The following PEX14 variants were observed in gnomAD, a reference collection of about 807,000 sequenced individuals.
PEX14 encodes peroxisomal membrane protein PEX14.
Under a neutral mutation model 49.5 loss-of-function variants are expected in PEX14, and 15 were observed. That is an observed-to-expected ratio of 0.30 (90% CI 0.20 to 0.47). PEX14 has a LOEUF of 0.47. Ranked by LOEUF, PEX14 falls within the 20% of genes least tolerant of loss-of-function variation. PEX14 has a pLI of 1.00. For synonymous variants in PEX14, 210 were observed against 212.7 expected (o/e 0.99, Z 0.11); for missense variants, 398 against 494.8 (o/e 0.80, Z 1.86).
intron 3 of PEX14, among the ~76,000 whole-genome samples, chr1:10,598,692 C>A (rs994425393): frequency 6.6e-6 from 1 of 152,206 alleles, no homozygotes; most frequent in African/African-American, 2.4e-5. Flanking sequence ...TTCTTCTTTA[C>A]ATTCTATATC....
chr1:10,620,178 C>T (rs1471866129), intron 5 of PEX14, among the ~76,000 whole-genome samples: 3 of 151,814 alleles, frequency 2.0e-5, no homozygotes, highest in Non-Finnish European at 2.9e-5. Context: ...GCCCAGGTGC[C>T]GTGGCTCACA....
At chr1:10,510,009 C>T (rs770881330) in intron 2 of PEX14, among the ~76,000 whole-genome samples, 7 of 152,142 alleles carry the variant, frequency 4.6e-5, no homozygotes, top group East Asian at 1.9e-4. Flanking sequence ...CACTGACCCA[C>T]CAATTATAGA....
At chr1:10,538,746 G>C (rs929644381) in intron 3 of PEX14, among the ~76,000 whole-genome samples, 1 of 152,242 alleles carries the variant, frequency 6.6e-6, no homozygotes, top group Non-Finnish European at 1.5e-5. Context: ...AGTTGTGGCA[G>C]GAAAGCAAAT....
intron 2 of PEX14, among the ~76,000 whole-genome samples, chr1:10,511,412 A>G (rs570170881): frequency 1.3e-5 from 2 of 152,164 alleles, no homozygotes; most frequent in East Asian, 3.9e-4. Flanking sequence ...TGCTAACATC[A>G]TGGTGCGTTC....
rs1638584296 is a variant in PEX14, at chr1:10,529,511, A to G, written c.85-6702A>G. 1.3e-5 allele frequency among the ~76,000 whole-genome samples: 2 copies of G among 152,262 alleles called. No homozygotes were observed. Among genetic ancestry groups the G allele is most frequent in the South Asian group, 2.1e-4 (1 of 4,836 alleles). Reference sequence around the variant, plus strand: ...ATTTCTGGAAGAACTACTTTAATCAAATAACAAAACAATGACATTCTGGCA... The same window carrying G: ...ATTTCTGGAAGAACTACTTTAATCAGATAACAAAACAATGACATTCTGGCA... On this transcript the variant is annotated intron_variant, in intron 2 of 8. Coordinates refer to ENST00000356607, the MANE Select transcript of PEX14 (RefSeq NM_004565.3). This position sits in a 1 kb window ranked among gnomAD's most constrained non-coding sequence, Gnocchi z 4.2.
intron 8 of PEX14, among the ~76,000 whole-genome samples, chr1:10,627,955 A>G (rs1046208322): frequency 6.6e-6 from 1 of 151,480 alleles, no homozygotes; most frequent in African/African-American, 2.4e-5. Context: ...TTTTTTTTTG[A>G]GATGGAGTCT....
chr1:10,504,573 T>A (rs1178379801), intron 2 of PEX14, among the ~76,000 whole-genome samples: 1 of 152,090 alleles, frequency 6.6e-6, no homozygotes, highest in Non-Finnish European at 1.5e-5. Context: ...TACCCAGCTG[T>A]GTCTGCCAAG....
In PEX14 at chr1:10,512,223, G is replaced by A. The variant is rs552842575; in HGVS notation, c.84+16902G>A. On this transcript the variant is annotated intron_variant, in intron 2 of 8. Transcript: ENST00000356607. This position sits in a 1 kb window ranked among gnomAD's most constrained non-coding sequence, Gnocchi z 4.6. ...TCTGCCCTCCTCGGCCTCCCAAAGT[G>A]CTGAGATTACAGACGTGAGCCACCG... Among the ~76,000 whole-genome samples the A allele has an allele frequency of 6.6e-6, 1 of 152,286 alleles. No individual in the cohort carries two copies. The highest frequency in any genetic ancestry group is 2.1e-4 in the South Asian group (1 of 4,824).
In PEX14 at chr1:10,583,831, G is replaced by A. The variant is rs74839032; in HGVS notation, c.170-15407G>A. Among the ~76,000 whole-genome samples, 655 of 152,232 alleles carry A rather than the reference G, an allele frequency of 4.3e-3. 4 individuals are homozygous for A. The highest frequency in any genetic ancestry group is 6.6e-3 in the Non-Finnish European group (451 of 68,026). On this transcript the variant is annotated intron_variant, in intron 3 of 8. Coordinates refer to ENST00000356607, the MANE Select transcript of PEX14 (RefSeq NM_004565.3). ...AGAGTTTCAGGAAAAGGGAATGACCGATGCAGAAGCTTGAAGAGGAAGTTG... is the reference window on the plus strand; with the variant it reads ...AGAGTTTCAGGAAAAGGGAATGACCAATGCAGAAGCTTGAAGAGGAAGTTG...
At chr1:10,485,151 C>T (rs1641345725) in intron 1 of PEX14, among the ~76,000 whole-genome samples, 1 of 151,664 alleles carries the variant, frequency 6.6e-6, no homozygotes, top group South Asian at 2.1e-4. Flanking sequence ...TTTGCGAGGA[C>T]ATATTCTTCA....
intron 3 of PEX14, among the ~76,000 whole-genome samples, chr1:10,537,723 A>G (rs938874314): frequency 1.1e-4 from 17 of 152,140 alleles, no homozygotes; most frequent in Non-Finnish European, 2.1e-4. Context: ...ATTTAGAGCA[A>G]TTTAGAGACA....
intron 3 of PEX14, among the ~76,000 whole-genome samples, chr1:10,576,572 C>T (rs910453803): frequency 6.6e-6 from 1 of 151,548 alleles, no homozygotes; most frequent in African/African-American, 2.4e-5. Flanking sequence ...AAGCGAAGCT[C>T]CTTTCAAACA....
intron 4 of PEX14, among the ~76,000 whole-genome samples, chr1:10,615,084 C>T (rs1641375048): frequency 6.6e-6 from 1 of 152,190 alleles, no homozygotes; most frequent in Non-Finnish European, 1.5e-5. Flanking sequence ...GTCCCCTTCC[C>T]ATGGCAGTTT....
Position 10,529,803 on chromosome 1 carries a change from C to A in PEX14, c.85-6410C>A, listed in dbSNP as rs997890190. 1.3e-5 allele frequency among the ~76,000 whole-genome samples: 2 copies of A among 152,148 alleles called. No individual in the cohort carries two copies. Among genetic ancestry groups the A allele is most frequent in the African/African-American group, 4.8e-5 (2 of 41,418 alleles). ...CACTTCTACCAGCGGAATTTTATTT[C>A]TTTAATGTGAAAAACAAAAGGACAG... On this transcript the variant is annotated intron_variant, in intron 2 of 8. Transcript: ENST00000356607. The surrounding 1 kb of genome is among the most constrained non-coding windows in gnomAD (Gnocchi z 4.2).
Position 10,628,061 on chromosome 1 carries a change from G to A in PEX14, c.677+698G>A, listed in dbSNP as rs376288069. ...CGCCATTCTCCTGCCTCAGCCTCCC[G>A]AGTAGCTGGGATTACAGGCGCCCGC... On this transcript the variant is annotated intron_variant, in intron 8 of 8. Transcript: ENST00000356607. This position sits in a 1 kb window ranked among gnomAD's most constrained non-coding sequence, Gnocchi z 4.5. 1.3e-5 allele frequency among the ~76,000 whole-genome samples: 2 copies of A among 152,010 alleles called. No homozygotes were observed. The highest frequency in any genetic ancestry group is 2.9e-5 in the Non-Finnish European group (2 of 67,998).
Position 10,537,343 on chromosome 1 carries a change from C to A in PEX14, c.169+1046C>A, listed in dbSNP as rs1440415620. 1.5e-4 allele frequency among the ~76,000 whole-genome samples: 9 copies of A among 61,798 alleles called. 1 individual carries two copies. Among genetic ancestry groups the A allele is most frequent in the African/African-American group, 3.5e-4 (7 of 19,918 alleles). 40.5% of individuals were successfully genotyped at this position (61,798 alleles called of 152,430 possible). A position where few individuals can be genotyped will look rare whatever the true frequency, so the allele number is the denominator to read the frequency against. On this transcript the variant is annotated intron_variant, in intron 3 of 8. Transcript: ENST00000356607. ...CTCACTGGCTGCATTGTGCCAGCACCCCCCCCCCCCGCCATCATTAGGAGA... is the reference window on the plus strand; with the variant it reads ...CTCACTGGCTGCATTGTGCCAGCACACCCCCCCCCCGCCATCATTAGGAGA...
At chr1:10,508,542 C>T (rs370843119) in intron 2 of PEX14, among the ~76,000 whole-genome samples, 8 of 152,136 alleles carry the variant, frequency 5.3e-5, no homozygotes, top group Non-Finnish European at 1.2e-4. Context: ...ATATGGGCAA[C>T]TTGTGCCTTG....
intron 3 of PEX14, among the ~76,000 whole-genome samples, chr1:10,596,952 C>T (rs565157710): frequency 3.9e-5 from 6 of 152,274 alleles, no homozygotes; most frequent in South Asian, 2.1e-4. Flanking sequence ...CTAGTGGGCT[C>T]GGCTGCGATA....
chr1:10,520,148 C>CTTTTTTTTTT lies in PEX14; in HGVS notation c.85-16060_85-16051dup, dbSNP rs565247030. Among the ~76,000 whole-genome samples the CTTTTTTTTTT allele has an allele frequency of 7.0e-3, 482 of 69,124 alleles. 48 individuals are homozygous for CTTTTTTTTTT. The highest frequency in any genetic ancestry group is 0.019 in the African/African-American group (449 of 23,500). 45.3% of individuals were successfully genotyped at this position (69,124 alleles called of 152,430 possible). On this transcript the variant is annotated intron_variant, in intron 2 of 8. Transcript: ENST00000356607. The stretch of plus-strand genomic sequence containing the variant: ...AGCTGTTGTGCCTGGCCTTCTTCTT[C>CTTTTTTTTTT]TTTTTTTTTTTTTTGTTTTTTTAAC...
Sources: gnomAD v4.1 joint callset for allele counts (sites outside exome capture counted in the v4.1 genomes callset) on GRCh38, gnomAD v4.1.1 for gene constraint, Gnocchi (gnomAD v3.1) non-coding constraint, MANE v1.5 for transcripts, NCBI Gene and HGNC (gene_info 2026-07-23, HGNC 2026-07-21) for gene names.